Variants in DHDDS observed in about 807,000 individuals in gnomAD.
The protein encoded by DHDDS is dehydrodolichyl diphosphate synthase complex subunit DHDDS.
A neutral mutation model predicts 46.2 loss-of-function variants in DHDDS; 16 were observed. That is an observed-to-expected ratio of 0.35 (90% CI 0.23 to 0.53). The LOEUF (loss-of-function observed/expected upper bound fraction) is 0.53. Among genes scored for constraint, DHDDS ranks in the 20% least tolerant of loss-of-function variants. The probability of loss-of-function intolerance (pLI) is 0.94; values close to 1 mark genes in which losing one functional copy is unlikely to be tolerated. For missense variants in DHDDS, 340 were observed against 423.7 expected, an observed-to-expected ratio of 0.80 and a Z score of 1.73; for synonymous variants, 151 against 163.1, an observed-to-expected ratio of 0.93 and a Z score of 0.56.
chr1:26,457,729 C>A, intron 6 of DHDDS, 62 bp from the exon 7 acceptor site: 1 of 1,286,544 alleles, frequency 7.8e-7, no homozygotes, highest in Non-Finnish European at 1.1e-6. Context: ...ACCATGAGAA[C>A]ACTACAGAAA....
chr1:26,435,502 A>G (rs527545389), intron 2 of DHDDS, among the ~76,000 whole-genome samples: 49 of 127,754 alleles, frequency 3.8e-4, no homozygotes, highest in Middle Eastern at 7.9e-3. Context: ...CAGTGGTGCT[A>G]TCTCGGCTCA....
chr1:26,446,543 G>C (rs1306557117), intron 5 of DHDDS, 111 bp downstream of exon 5: 5 of 979,552 alleles, frequency 5.1e-6, no homozygotes, highest in Non-Finnish European at 8.2e-6. Flanking sequence ...GGGGCAATGA[G>C]AGAGTAGGTT....
intron 8 of DHDDS, among the ~76,000 whole-genome samples, chr1:26,460,468 T>C (rs557598904): frequency 5.9e-5 from 9 of 152,222 alleles, no homozygotes; most frequent in Non-Finnish European, 1.0e-4. Context: ...TCTTTTATCT[T>C]TTAAAGACTC....
intron 6 of DHDDS, 71 bp downstream of exon 6, chr1:26,447,731 G>T: frequency 7.1e-7 from 1 of 1,400,726 alleles, no homozygotes; most frequent in South Asian, 1.2e-5. Context: ...GCTCACGCCT[G>T]TAATCCTAGC....
chr1:26,453,363 T>C (rs556709060), intron 6 of DHDDS, among the ~76,000 whole-genome samples: 3 of 152,220 alleles, frequency 2.0e-5, no homozygotes, highest in Non-Finnish European at 2.9e-5. Flanking sequence ...AATGCCACAA[T>C]TAAATCTTTG....
chr1:26,454,437 G>GA (rs541759898), intron 6 of DHDDS, among the ~76,000 whole-genome samples: 3 of 152,108 alleles, frequency 2.0e-5, no homozygotes, highest in Non-Finnish European at 4.4e-5. Flanking sequence ...CTGAGTCTCT[G>GA]AAGTCACACT....
intron 6 of DHDDS, among the ~76,000 whole-genome samples, chr1:26,451,404 ATG>A (rs35376620): frequency 0.035 from 4,748 of 135,814 alleles, 73 homozygotes; most frequent in East Asian, 0.081. Flanking sequence ...ATGTATGTAG[ATG>A]TGTGTGTGTG....
At chr1:26,447,338 T>C (rs982917784) in intron 5 of DHDDS, among the ~76,000 whole-genome samples, 2 of 151,876 alleles carry the variant, frequency 1.3e-5, no homozygotes, top group Non-Finnish European at 2.9e-5. Flanking sequence ...AAAGGAGCCA[T>C]TTAGTATTTG....
At chr1:26,436,458 C>A (rs776722229) in intron 2 of DHDDS, among the ~76,000 whole-genome samples, 3 of 152,064 alleles carry the variant, frequency 2.0e-5, no homozygotes, top group Non-Finnish European at 2.9e-5. Context: ...GAGTCCCGCT[C>A]TGTCATCCAG....
intron 4 of DHDDS, 125 bp from the exon 5 acceptor site, chr1:26,446,191 T>G: frequency 1.4e-6 from 1 of 710,896 alleles, no homozygotes; most frequent in South Asian, 1.7e-5. Context: ...AAATAATGCA[T>G]GTAGAACAGG....
At chr1:26,466,626 G>A (rs2075490557) in intron 8 of DHDDS, among the ~76,000 whole-genome samples, 1 of 152,212 alleles carries the variant, frequency 6.6e-6, no homozygotes, top group South Asian at 2.1e-4. Flanking sequence ...AGCCCCCATT[G>A]CTGGCATGCA....
chr1:26,458,079 C>T (rs1324875425), intron 7 of DHDDS, among the ~76,000 whole-genome samples, 174 bp downstream of exon 7: 2 of 152,142 alleles, frequency 1.3e-5, no homozygotes, highest in Non-Finnish European at 2.9e-5. Context: ...ATTTGATGTC[C>T]ATTCCTCATC....
chr1:26,457,565 TAAAAA>T (rs11351917), intron 6 of DHDDS, among the ~76,000 whole-genome samples: 2 of 136,584 alleles, frequency 1.5e-5, no homozygotes, highest in Non-Finnish European at 3.2e-5. Context: ...TTGTATTCTC[TAAAAA>T]AAAAAAAAAA....
rs1209570749 is a variant in DHDDS, at chr1:26,470,241, G to A, written c.*1110G>A. ...GTCTGCCTGAGCAACTCTATTTCAG[G>A]TGCCCCACACCGGCAAGTACCAGCC... is the stretch of plus-strand genomic sequence containing the variant. On this transcript the variant is annotated 3_prime_UTR_variant, in exon 9 of 9. Coordinates refer to ENST00000236342, the MANE Select transcript of DHDDS (RefSeq NM_205861.3). 1 of 152,036 alleles carries A rather than the reference G, an allele frequency of 6.6e-6. No individual in the cohort carries two copies. The highest frequency in any genetic ancestry group is 1.5e-5 in the Non-Finnish European group (1 of 68,080). 9.4% of individuals were successfully genotyped at this position (152,036 alleles called of 1,614,324 possible). A position where few individuals can be genotyped will look rare whatever the true frequency, so the allele number is the denominator to read the frequency against.
At position 26,446,367 on chromosome 1, in the gene DHDDS, C is replaced by A; in HGVS notation, c.375C>A (p.His125Gln). Residue 125 changes from histidine (H) to glutamine (Q), a missense_variant, in exon 5 of 9, where the codon CAC (histidine) becomes CAA (glutamine). Physicochemically the swap from His to Gln is conservative, Grantham distance 24. Transcript: ENST00000236342. ...GTATCCGGGTCCTGGGCGATCTGCA[C>A]TTGTTGCCCTTGGATCTCCAGGAGC... is the stretch of plus-strand genomic sequence containing the variant. ...GVCIRVLGDL[H>Q]LLPLDLQELI... 6.2e-7 allele frequency: 1 copy of A among 1,614,102 alleles called. No individual in the cohort carries two copies. Among genetic ancestry groups the A allele is most frequent in the South Asian group, 1.1e-5 (1 of 91,088 alleles).
Position 26,432,897 on chromosome 1 carries a change from T to C in DHDDS, c.-49T>C, listed in dbSNP as rs1372816091. ...TCTTTCTTGTTTATCCAAGATTACCTGGCTGGTGTTTGCTTGTTCTGGAGT... is the reference window on the plus strand; with the variant it reads ...TCTTTCTTGTTTATCCAAGATTACCCGGCTGGTGTTTGCTTGTTCTGGAGT... On this transcript the variant is annotated 5_prime_UTR_variant, in exon 2 of 9. Transcript: ENST00000236342. 6.3e-7 allele frequency: 1 copy of C among 1,595,436 alleles called. No individual in the cohort carries two copies. The highest frequency in any genetic ancestry group is 1.3e-5 in the African/African-American group (1 of 74,576).
chr1:26,442,545 T>G (rs542181265), intron 3 of DHDDS, among the ~76,000 whole-genome samples, 186 bp from the exon 4 acceptor site: 21 of 152,324 alleles, frequency 1.4e-4, no homozygotes, highest in Admixed American at 7.8e-4. Flanking sequence ...TCTTCAATGG[T>G]GGTTTTCTGC....
At chr1:26,466,533 G>A (rs995919088) in intron 8 of DHDDS, among the ~76,000 whole-genome samples, 4 of 152,196 alleles carry the variant, frequency 2.6e-5, no homozygotes, top group African/African-American at 7.2e-5. Flanking sequence ...GTAAAATGAC[G>A]AGCAGACACC....
intron 7 of DHDDS, 115 bp downstream of exon 7, chr1:26,458,020 T>C (rs2075387742): frequency 1.2e-6 from 1 of 855,968 alleles, no homozygotes; most frequent in East Asian, 2.5e-5. Flanking sequence ...AGAGTACTTC[T>C]GGGGAAAGCT....
Sources: allele counts gnomAD v4.1 joint callset (sites outside exome capture counted in the v4.1 genomes callset), GRCh38; gene constraint gnomAD v4.1.1; transcripts MANE v1.5; gene names NCBI Gene and HGNC (gene_info 2026-07-23, HGNC 2026-07-21).